Variants in RNF170 observed in about 807,000 individuals in gnomAD.
The protein encoded by RNF170 is E3 ubiquitin-protein ligase RNF170.
Under a neutral mutation model 32.7 loss-of-function variants are expected in RNF170, and 12 were observed. The ratio of observed to expected loss-of-function variants is 0.37; its 90% CI spans 0.24 to 0.60. The LOEUF (loss-of-function observed/expected upper bound fraction) is 0.60. Ranked by LOEUF, RNF170 falls within the 20% of genes least tolerant of loss-of-function variation. The pLI, the probability that RNF170 is intolerant of heterozygous loss-of-function variation, is 0.72. For synonymous variants in RNF170, 91 were observed against 103.6 expected, an observed-to-expected ratio of 0.88 and a Z score of 0.74; for missense variants, 212 against 311.2, an observed-to-expected ratio of 0.68 and a Z score of 2.40.
intron 6 of RNF170, 149 bp downstream of exon 6, chr8:42,861,596 G>A (rs1376243063): frequency 1.5e-6 from 1 of 682,616 alleles, no homozygotes; most frequent in Non-Finnish European, 2.6e-6. Flanking sequence ...ACCTGCCTTG[G>A]CCTCCCAAAG....
At chr8:42,860,906 CAG>C (rs2128925836) in intron 6 of RNF170, among the ~76,000 whole-genome samples, 1 of 152,218 alleles carries the variant, frequency 6.6e-6, no homozygotes, top group Non-Finnish European at 1.5e-5. Context: ...TTAGTAGAGA[CAG>C]GGTTTCACCG....
At position 42,873,911 on chromosome 8, in the gene RNF170, A is replaced by G. The variant is rs1193803124; in HGVS notation, c.213+20T>C. ...AGGGAGCTATCACATCTACTCCTCA[A>G]ATAAATACATATACAATACCTGTTC... On this transcript the variant is annotated intron_variant, in intron 3 of 6. Coordinates refer to ENST00000527424, the MANE Select transcript of RNF170 (RefSeq NM_030954.4). The G allele has an allele frequency of 1.4e-6, 2 of 1,403,706 alleles. No homozygotes were observed. Among genetic ancestry groups the G allele is most frequent in the African/African-American group, 2.8e-5 (2 of 70,852 alleles). 87.0% of individuals were successfully genotyped at this position (1,403,706 alleles called of 1,614,324 possible).
intron 4 of RNF170, among the ~76,000 whole-genome samples, chr8:42,866,570 G>C (rs565239763): frequency 1.3e-5 from 2 of 150,196 alleles, no homozygotes; most frequent in South Asian, 2.1e-4. Context: ...CTGACAGTGC[G>C]AGACTCCGTC....
At chr8:42,853,265 A>G (rs1198337778), downstream of RNF170, 1 of 1,069,090 alleles carries the variant, frequency 9.4e-7, no homozygotes, top group Non-Finnish European at 1.2e-6. Flanking sequence ...GAAAGCAAAC[A>G]ACTGTTAAAT....
intron 6 of RNF170, among the ~76,000 whole-genome samples, chr8:42,858,890 CAA>C (rs1803443451): frequency 6.6e-6 from 1 of 152,134 alleles, no homozygotes. Context: ...TTGGAACATT[CAA>C]AGACATTGGG....
chr8:42,857,229 C>G (rs1011182461), intron 6 of RNF170, among the ~76,000 whole-genome samples: 1 of 152,184 alleles, frequency 6.6e-6, no homozygotes, highest in Non-Finnish European at 1.5e-5. Flanking sequence ...ACGCAAAGAA[C>G]TGAGCAAGTG....
chr8:42,864,402 G>T (rs1304893368), intron 5 of RNF170, among the ~76,000 whole-genome samples: 5 of 151,952 alleles, frequency 3.3e-5, no homozygotes. Flanking sequence ...CGCCCACCCT[G>T]TATTTTTATT....
intron 2 of RNF170, among the ~76,000 whole-genome samples, chr8:42,875,406 T>C (rs1160393943): frequency 6.6e-6 from 1 of 152,184 alleles, no homozygotes; most frequent in African/African-American, 2.4e-5. Context: ...CCGAATGTGA[T>C]AGGGAAAAGT....
At chr8:42,874,693 G>A (rs1804780783) in intron 2 of RNF170, among the ~76,000 whole-genome samples, 2 of 151,976 alleles carry the variant, frequency 1.3e-5, no homozygotes, top group South Asian at 4.1e-4. Flanking sequence ...AGTAAGCTGA[G>A]ATCATGCCAT....
downstream of RNF170, among the ~76,000 whole-genome samples, chr8:42,852,969 TTTTTTA>T (rs1195471489): frequency 5.3e-5 from 8 of 151,708 alleles, no homozygotes; most frequent in Admixed American, 1.3e-4. Flanking sequence ...TTTTTTTTTT[TTTTTTA>T]ATTAGCCAGG....
At chr8:42,888,074 A>G (rs1201482709) in intron 1 of RNF170, among the ~76,000 whole-genome samples, 1 of 151,690 alleles carries the variant, frequency 6.6e-6, no homozygotes, top group Non-Finnish European at 1.5e-5. Flanking sequence ...TTCTATTTCT[A>G]TTTTTTTTGG....
intron 1 of RNF170, among the ~76,000 whole-genome samples, chr8:42,892,645 T>C (rs1206203614): frequency 1.3e-5 from 2 of 152,064 alleles, no homozygotes; most frequent in African/African-American, 4.8e-5. Context: ...GATTTATTTT[T>C]TCATGTTATT....
Position 42,856,114 on chromosome 8 carries a change from T to C in RNF170, c.*45A>G, listed in dbSNP as rs1168444524. On this transcript the variant is annotated 3_prime_UTR_variant, in exon 7 of 7. Transcript: ENST00000527424. ...CCATGGGTCCTTCTGTTTGATGTTC[T>C]ACATTAGCTCAGATATCCTAGTAAA... 2.5e-6 allele frequency: 4 copies of C among 1,609,376 alleles called. No homozygotes were observed. Among genetic ancestry groups the C allele is most frequent in the Admixed American group, 1.7e-5 (1 of 59,984 alleles).
upstream of RNF170, chr8:42,897,131 G>T (rs531446046): frequency 3.2e-6 from 4 of 1,246,394 alleles, no homozygotes; most frequent in East Asian, 1.3e-4. Context: ...CGGCGGGGAA[G>T]ATGTTCAGCG....
chr8:42,854,936 A>G lies in RNF170; in HGVS notation c.*1223T>C. The G allele has an allele frequency of 7.8e-7, 1 of 1,287,224 alleles. No individual in the cohort carries two copies. Among genetic ancestry groups the G allele is most frequent in the Non-Finnish European group, 1.0e-6 (1 of 988,686 alleles). The allele number at this position is 1,287,224 out of a possible 1,614,324, so 79.7% of individuals were successfully genotyped here. A position where few individuals can be genotyped will look rare whatever the true frequency, so the allele number is the denominator to read the frequency against. Reference sequence around the variant, plus strand: ...AGACAGTATTATAAAAATTTCTGACAACAGAAAACTAACAAAATTTGTCCA... The same window carrying G: ...AGACAGTATTATAAAAATTTCTGACGACAGAAAACTAACAAAATTTGTCCA... On this transcript the variant is annotated 3_prime_UTR_variant, in exon 7 of 7. Coordinates refer to ENST00000527424, the MANE Select transcript of RNF170 (RefSeq NM_030954.4).
intron 3 of RNF170, among the ~76,000 whole-genome samples, chr8:42,870,369 C>T (rs762476874): frequency 1.5e-4 from 23 of 152,184 alleles, no homozygotes; most frequent in Non-Finnish European, 3.2e-4. Flanking sequence ...TCATCTTTTA[C>T]TCTACTGGAA....
At chr8:42,860,784 A>C (rs1330326566) in intron 6 of RNF170, among the ~76,000 whole-genome samples, 12 of 147,728 alleles carry the variant, frequency 8.1e-5, no homozygotes, top group East Asian at 4.1e-4. Context: ...GTGGCGTGAT[A>C]TCGGCTCACT....
At chr8:42,888,327 G>A (rs940827164) in intron 1 of RNF170, among the ~76,000 whole-genome samples, 1 of 152,058 alleles carries the variant, frequency 6.6e-6, no homozygotes, top group East Asian at 1.9e-4. Context: ...GCCTCCCAAA[G>A]TGCCGGGATT....
In RNF170 at chr8:42,870,098, G is replaced by T; in HGVS notation, c.228C>A (p.Ala76=). ...QLQTEQDAPA[A]TRQQFYTDMY... ...TGTCAGTGTAGAACTGCTGTCGAGT[G>T]GCAGCAGGTGCATCCTAATAAGAAC... is the stretch of plus-strand genomic sequence containing the variant. Residue 76 remains alanine, a synonymous_variant, in exon 4 of 7, where the codon GCC becomes GCA. Transcript: ENST00000527424. 1 of 1,613,652 alleles carries T rather than the reference G, an allele frequency of 6.2e-7. No homozygotes were observed. The highest frequency in any genetic ancestry group is 8.5e-7 in the Non-Finnish European group (1 of 1,179,660).
Sources: allele counts gnomAD v4.1 joint callset (sites outside exome capture counted in the v4.1 genomes callset), GRCh38; gene constraint gnomAD v4.1.1; transcripts MANE v1.5; gene names NCBI Gene and HGNC (gene_info 2026-07-23, HGNC 2026-07-21).